The following MTPN variants were observed in gnomAD, a reference collection of about 807,000 sequenced individuals.
MTPN encodes the protein myotrophin.
Under a neutral mutation model 13.5 loss-of-function variants are expected in MTPN, and 2 were observed. The ratio of observed to expected loss-of-function variants is 0.15; its 90% CI spans 0.06 to 0.47. MTPN has a LOEUF of 0.47. Ranked by LOEUF, MTPN falls within the 20% of genes least tolerant of loss-of-function variation. The probability of loss-of-function intolerance (pLI) is 0.97; values close to 1 mark genes in which losing one functional copy is unlikely to be tolerated. For synonymous variants in MTPN, 46 were observed against 51.7 expected (o/e 0.89, Z 0.48); for missense variants, 79 against 137.9 (o/e 0.57, Z 2.14).
intron 3 of MTPN, among the ~76,000 whole-genome samples, chr7:135,934,568 A>T (rs1799084571): frequency 6.6e-6 from 1 of 152,250 alleles, no homozygotes; most frequent in Non-Finnish European, 1.5e-5. Context: ...CCATGTGGAC[A>T]ACTACAACCT....
chr7:135,954,990 C>CA (rs2116382585), intron 1 of MTPN, among the ~76,000 whole-genome samples: 1 of 152,284 alleles, frequency 6.6e-6, no homozygotes, highest in East Asian at 1.9e-4. Context: ...AATACCAGTG[C>CA]AAAATGCCTA....
intron 1 of MTPN, among the ~76,000 whole-genome samples, chr7:135,952,511 A>G (rs1319884668): frequency 6.6e-6 from 1 of 152,240 alleles, no homozygotes; most frequent in Non-Finnish European, 1.5e-5. Context: ...TGAAAACTCT[A>G]AAGCTGAAGA....
intron 1 of MTPN, among the ~76,000 whole-genome samples, chr7:135,952,791 A>G (rs913579515): frequency 6.6e-6 from 1 of 152,004 alleles, no homozygotes; most frequent in African/African-American, 2.4e-5. Flanking sequence ...GCAAAACCCC[A>G]TCTCTACTAA....
chr7:135,964,830 A>G (rs895808215), intron 1 of MTPN, among the ~76,000 whole-genome samples: 1 of 152,042 alleles, frequency 6.6e-6, no homozygotes, highest in Non-Finnish European at 1.5e-5. Context: ...ATACATTTTA[A>G]TTTTTTTATA....
Position 135,965,061 on chromosome 7 carries a change from C to G in MTPN, c.72+11968G>C, listed in dbSNP as rs982990191. Among the ~76,000 whole-genome samples, 4 of 152,028 alleles carry G rather than the reference C, an allele frequency of 2.6e-5. No homozygotes were observed. The East Asian group carries it at 5.8e-4, about 22-fold the overall frequency. On this transcript the variant is annotated intron_variant, in intron 1 of 3. Transcript: ENST00000393085. ...GTTATGATAGAGACTGTGTGACTGC[C>G]AAGGCCTAAAATATTTACTAGCTGC...
chr7:135,964,887 C>T (rs1799580672), intron 1 of MTPN, among the ~76,000 whole-genome samples: 2 of 152,068 alleles, frequency 1.3e-5, no homozygotes, highest in Admixed American at 6.5e-5. Flanking sequence ...AGTAGTTTTA[C>T]TAACTTCAAT....
intron 3 of MTPN, among the ~76,000 whole-genome samples, chr7:135,937,376 C>T (rs1415193100): frequency 7.8e-6 from 1 of 128,710 alleles, no homozygotes; most frequent in East Asian, 2.5e-4. Flanking sequence ...TGGATACACA[C>T]ACACACACAC....
Position 135,927,144 on chromosome 7 carries a change from A to G in MTPN, c.*2782T>C, listed in dbSNP as rs1798932329. 2 of 629,010 alleles carry G rather than the reference A, an allele frequency of 3.2e-6. No individual in the cohort carries two copies. The highest frequency in any genetic ancestry group is 6.2e-5 in the East Asian group (2 of 32,176). The allele number at this position is 629,010 out of a possible 1,614,324, so 39.0% of individuals were successfully genotyped here. A position where few individuals can be genotyped will look rare whatever the true frequency, so the allele number is the denominator to read the frequency against. On this transcript the variant is annotated 3_prime_UTR_variant, in exon 4 of 4. Transcript: ENST00000393085. ...AGCTCAACTGAAATATTAGAAAAAA[A>G]AATCAAACAGATACATACAGATTTA...
At chr7:135,939,637 G>A (rs1001496796) in intron 3 of MTPN, among the ~76,000 whole-genome samples, 2 of 134,594 alleles carry the variant, frequency 1.5e-5, no homozygotes, top group Non-Finnish European at 3.1e-5. Context: ...AACATACACA[G>A]CGGAGCCAGT....
intron 3 of MTPN, among the ~76,000 whole-genome samples, chr7:135,936,541 A>T (rs1310520982): frequency 2.0e-5 from 3 of 152,258 alleles, no homozygotes; most frequent in Admixed American, 2.0e-4. Flanking sequence ...AACTTGATAA[A>T]ATAATTATAG....
At chr7:135,971,817 G>A (rs1396924075) in intron 1 of MTPN, among the ~76,000 whole-genome samples, 5 of 151,710 alleles carry the variant, frequency 3.3e-5, no homozygotes, top group African/African-American at 9.7e-5. Context: ...AGTTATTTTT[G>A]TTTCTTCCTA....
At chr7:135,968,374 C>A (rs544025867) in intron 1 of MTPN, among the ~76,000 whole-genome samples, 1 of 151,974 alleles carries the variant, frequency 6.6e-6, no homozygotes, top group African/African-American at 2.4e-5. Flanking sequence ...CAGCTTCTTA[C>A]ATTTTGGTTT....
intron 1 of MTPN, among the ~76,000 whole-genome samples, chr7:135,964,522 C>A (rs1584818702): frequency 6.6e-6 from 1 of 152,090 alleles, no homozygotes; most frequent in East Asian, 1.9e-4. Flanking sequence ...TGATCTCATG[C>A]AGCTGAAAAG....
rs901790983 is a variant in MTPN at position 135,949,738 on chromosome 7, A to G, written c.270+861T>C. Among the ~76,000 whole-genome samples the G allele has an allele frequency of 9.9e-5, 15 of 152,206 alleles. 1 individual carries two copies. Among genetic ancestry groups the G allele is most frequent in the African/African-American group, 3.6e-4 (15 of 41,464 alleles). On this transcript the variant is annotated intron_variant, in intron 3 of 3. Transcript: ENST00000393085. Reference sequence around the variant, plus strand: ...ACTACAAAGCATTAAAATCCTCTTCAGCCTTAGTTATAATAAAAGCTACTA... The same window carrying G: ...ACTACAAAGCATTAAAATCCTCTTCGGCCTTAGTTATAATAAAAGCTACTA...
chr7:135,947,703 A>G (rs1376298921), intron 3 of MTPN, among the ~76,000 whole-genome samples: 1 of 152,084 alleles, frequency 6.6e-6, no homozygotes, highest in African/African-American at 2.4e-5. Context: ...TGAATCCTAC[A>G]TCTTGGAACA....
chr7:135,960,095 T>C (rs1799498839), intron 1 of MTPN, among the ~76,000 whole-genome samples: 2 of 152,066 alleles, frequency 1.3e-5, no homozygotes, highest in Non-Finnish European at 2.9e-5. Flanking sequence ...GAGATAGTGA[T>C]GAAAAAGGAG....
At chr7:135,972,231 G>GCACACACA (rs67168370) in intron 1 of MTPN, among the ~76,000 whole-genome samples, 26 of 124,718 alleles carry the variant, frequency 2.1e-4, no homozygotes, top group Non-Finnish European at 2.8e-4. Context: ...GCACGCGCGC[G>GCACACACA]CACACACACA....
At chr7:135,932,856 T>C (rs932661198) in intron 3 of MTPN, 4 of 152,176 alleles carry the variant, frequency 2.6e-5, no homozygotes, top group African/African-American at 7.2e-5. Context: ...CTGGGAGGCC[T>C]AGGCAGGTGG....
intron 3 of MTPN, among the ~76,000 whole-genome samples, chr7:135,939,212 A>T (rs1049954290): frequency 5.3e-5 from 8 of 152,068 alleles, no homozygotes; most frequent in African/African-American, 1.4e-4. Context: ...ACTTCGAAAA[A>T]CGTAAAGCAT....
Sources: allele counts gnomAD v4.1 joint callset (sites outside exome capture counted in the v4.1 genomes callset), GRCh38; gene constraint gnomAD v4.1.1; transcripts MANE v1.5; gene names NCBI Gene and HGNC (gene_info 2026-07-23, HGNC 2026-07-21).